The following CYP27C1 variants were observed in gnomAD, a reference collection of about 807,000 sequenced individuals.
CYP27C1 encodes the protein cytochrome P450 27C1.
Under a neutral mutation model 40.6 loss-of-function variants are expected in CYP27C1, and 29 were observed. The observed-to-expected ratio is 0.71, with a 90% CI of 0.53 to 0.97. CYP27C1 has a LOEUF of 0.97. CYP27C1 is among the 50% of genes least tolerant of loss of function. The probability of loss-of-function intolerance (pLI) is 0.00; values close to 1 mark genes in which losing one functional copy is unlikely to be tolerated. For missense variants in CYP27C1, 390 were observed against 485.8 expected, an observed-to-expected ratio of 0.80 and a Z score of 1.85; for synonymous variants, 198 against 186.8, an observed-to-expected ratio of 1.06 and a Z score of -0.49.
At position 127,200,633 on chromosome 2, in the gene CYP27C1, G is replaced by A. The variant is rs1573898025; in HGVS notation, c.883+489C>T. Among the ~76,000 whole-genome samples the A allele has an allele frequency of 1.3e-5, 2 of 152,122 alleles. No homozygotes were observed. The highest frequency in any genetic ancestry group is 1.9e-4 in the East Asian group (1 of 5,202). On this transcript the variant is annotated intron_variant, in intron 4 of 8. Coordinates refer to ENST00000664447, the MANE Select transcript of CYP27C1 (RefSeq NM_001367502.1). The surrounding 1 kb of genome is among the most constrained non-coding windows in gnomAD (Gnocchi z 4.2). ...AATGAAAAAACTGATCATGTTACCT[G>A]TAGTCACAACCCACATGCTTTTTGC...
chr2:127,206,199 T>G (rs113483266), intron 1 of CYP27C1, among the ~76,000 whole-genome samples, 109 bp from the exon 2 acceptor site: 2,135 of 152,326 alleles, frequency 0.014, 37 homozygotes, highest in African/African-American at 0.047. Context: ...CAGAGGGAAG[T>G]GCTATCTAAC....
chr2:127,187,906 T>C (rs1435940883), intron 8 of CYP27C1, among the ~76,000 whole-genome samples: 4 of 152,172 alleles, frequency 2.6e-5, no homozygotes, highest in Non-Finnish European at 5.9e-5. Flanking sequence ...TAACTTTGAT[T>C]CCATTTCTCA....
In CYP27C1 at chr2:127,187,195, G is replaced by T; in HGVS notation, c.*76C>A. The T allele has an allele frequency of 8.9e-7, 1 of 1,124,500 alleles. No individual in the cohort carries two copies. Among genetic ancestry groups the T allele is most frequent in the Non-Finnish European group, 1.3e-6 (1 of 790,390 alleles). 69.7% of individuals were successfully genotyped at this position (1,124,500 alleles called of 1,614,324 possible). A position where few individuals can be genotyped will look rare whatever the true frequency, so the allele number is the denominator to read the frequency against. On this transcript the variant is annotated 3_prime_UTR_variant, in exon 9 of 9. Transcript: ENST00000664447. ...AGCGACATCGCTTTCCTTCTCCACG[G>T]TGATCAGCGAACACAAATACCCACT...
intron 4 of CYP27C1, 144 bp from the exon 5 acceptor site, chr2:127,199,683 C>A: frequency 1.3e-6 from 1 of 741,380 alleles, no homozygotes; most frequent in Non-Finnish European, 2.1e-6. Context: ...CTAACGTCAA[C>A]CTGGGAGTTT....
At chr2:127,213,553 C>G (rs771221082) in intron 1 of CYP27C1, among the ~76,000 whole-genome samples, 1 of 152,134 alleles carries the variant, frequency 6.6e-6, no homozygotes, top group Non-Finnish European at 1.5e-5. Context: ...CTGACAAAAA[C>G]AAGCAATGGG....
In CYP27C1 at chr2:127,193,840, G is replaced by A. The variant is rs141406193; in HGVS notation, c.1242C>T (p.Gly414=). The A allele has an allele frequency of 2.0e-5, 33 of 1,614,090 alleles. No individual in the cohort carries two copies. Among genetic ancestry groups the A allele is most frequent in the Non-Finnish European group, 2.5e-5 (29 of 1,180,042 alleles). Reference sequence around the variant, plus strand: ...TAACCAGGTCTTCCTGGGTGACCCGGCCGTTCCCTGGCAGCACTGGAAACA... The same window carrying A: ...TAACCAGGTCTTCCTGGGTGACCCGACCGTTCCCTGGCAGCACTGGAAACA... The part of the protein sequence containing the change: ...LRLFPVLPGN[G]RVTQEDLVIG... The change falls in exon 7 of 9, where the codon GGC becomes GGT. Residue 414 remains glycine (G), a synonymous_variant. Transcript: ENST00000664447.
chr2:127,187,891 G>T (rs1304127401), intron 8 of CYP27C1, among the ~76,000 whole-genome samples: 1 of 152,134 alleles, frequency 6.6e-6, no homozygotes, highest in Non-Finnish European at 1.5e-5. Flanking sequence ...AATATTCTTG[G>T]TTCGTAACTT....
At chr2:127,190,808 A>C (rs1682754054) in intron 8 of CYP27C1, among the ~76,000 whole-genome samples, 1 of 150,608 alleles carries the variant, frequency 6.6e-6, no homozygotes, top group African/African-American at 2.4e-5. Flanking sequence ...TTAGCTGGGC[A>C]TGGTGGCAGG....
intron 8 of CYP27C1, among the ~76,000 whole-genome samples, chr2:127,189,173 C>T (rs889556951): frequency 1.3e-4 from 19 of 150,818 alleles, no homozygotes; most frequent in Non-Finnish European, 1.0e-4. Flanking sequence ...ACACTGCCCC[C>T]CCCCTCCGCC....
rs558202028 is a variant in CYP27C1 at position 127,209,230 on chromosome 2, T to G, written c.283-3140A>C. ...CAAATCAGAAGAATAGGGCCTGAAG[T>G]GAACCCCCAGCAAACTGCAGCAGCC... On this transcript the variant is annotated intron_variant, in intron 1 of 8. Coordinates refer to ENST00000664447, the MANE Select transcript of CYP27C1 (RefSeq NM_001367502.1). This position sits in a 1 kb window ranked among gnomAD's most constrained non-coding sequence, Gnocchi z 4.1. Among the ~76,000 whole-genome samples, 22 of 152,132 alleles carry G rather than the reference T, an allele frequency of 1.4e-4. No homozygotes were observed. In the South Asian group the frequency reaches 4.6e-3, roughly 32 times the overall value.
Position 127,196,250 on chromosome 2 carries a change from G to C in CYP27C1, c.1048-749C>G, listed in dbSNP as rs1682902480. On this transcript the variant is annotated intron_variant, in intron 5 of 8. Coordinates refer to ENST00000664447, the MANE Select transcript of CYP27C1 (RefSeq NM_001367502.1). This position sits in a 1 kb window ranked among gnomAD's most constrained non-coding sequence, Gnocchi z 4.5. ...GCTAATTTTTTGTATTTTTAGGAGA[G>C]ACAGGATTTCACTGTTAGCCAGGAT... Among the ~76,000 whole-genome samples, 1 of 70,168 alleles carries C rather than the reference G, an allele frequency of 1.4e-5. No individual in the cohort carries two copies. Among genetic ancestry groups the C allele is most frequent in the Admixed American group, 1.6e-4 (1 of 6,396 alleles). 46.0% of individuals were successfully genotyped at this position (70,168 alleles called of 152,430 possible).
chr2:127,219,974 G>C lies in CYP27C1; in HGVS notation c.282+15C>G, dbSNP rs6430931. The C allele has an allele frequency of 0.42, 63,986 of 151,922 alleles. 14,147 individuals are homozygous for C. The highest frequency in any genetic ancestry group is 0.62 in the East Asian group (3,183 of 5,098). 9.4% of individuals were successfully genotyped at this position (151,922 alleles called of 1,614,324 possible). On this transcript the variant is annotated intron_variant, in intron 1 of 8. Transcript: ENST00000664447. This position sits in a 1 kb window ranked among gnomAD's most constrained non-coding sequence, Gnocchi z 8.7. Reference sequence around the variant, plus strand: ...GCAGCCCGGGCTGGCTCCCTCCCGGGGCGGCGCGCGCTACCTGGATCTCGT... The same window carrying C: ...GCAGCCCGGGCTGGCTCCCTCCCGGCGCGGCGCGCGCTACCTGGATCTCGT...
rs917826046 is a variant in CYP27C1, at chr2:127,186,540, C to T, written c.*731G>A. 1.3e-5 allele frequency: 2 copies of T among 151,968 alleles called. No homozygotes were observed. Among genetic ancestry groups the T allele is most frequent in the African/African-American group, 4.8e-5 (2 of 41,368 alleles). 9.4% of individuals were successfully genotyped at this position (151,968 alleles called of 1,614,324 possible). ...CCTCAGTCTTCCGAGTAACTAGGAC[C>T]ATAGGTGTGCACCACCACGCCCGGC... is the stretch of plus-strand genomic sequence containing the variant. On this transcript the variant is annotated 3_prime_UTR_variant, in exon 9 of 9. Coordinates refer to ENST00000664447, the MANE Select transcript of CYP27C1 (RefSeq NM_001367502.1). This position sits in a 1 kb window ranked among gnomAD's most constrained non-coding sequence, Gnocchi z 4.5.
At position 127,193,219 on chromosome 2, in the gene CYP27C1, G is replaced by A. The variant is rs1208631392; in HGVS notation, c.1372C>T (p.Arg458Cys). The change falls in exon 8 of 9, where the codon CGC becomes TGC. Residue 458 changes from arginine to cysteine, a missense_variant. Arg to Cys is a radical substitution (Grantham distance 180). Coordinates refer to ENST00000664447, the MANE Select transcript of CYP27C1 (RefSeq NM_001367502.1). The stretch of plus-strand genomic sequence containing the variant: ...TCTAAGTCTCCTTTCCGCAGCCAGC[G>A]CTCAGGCCGGAACTCCTTGGCCCGA... The part of the protein sequence containing the change: ...FPRAKEFRPE[R>C]WLRKGDLDRV... 10 of 1,614,078 alleles carry A rather than the reference G, an allele frequency of 6.2e-6. No homozygotes were observed. Among genetic ancestry groups the A allele is most frequent in the East Asian group, 2.2e-5 (1 of 44,892 alleles).
At chr2:127,192,622 G>C (rs371426772) in intron 8 of CYP27C1, among the ~76,000 whole-genome samples, 7 of 43,260 alleles carry the variant, frequency 1.6e-4, no homozygotes, top group East Asian at 1.5e-3. Flanking sequence ...CCTTTCCCGG[G>C]GGGGGGGGCT....
In CYP27C1 at chr2:127,203,537, A is replaced by G. The variant is rs771502514; in HGVS notation, c.508T>C (p.Leu170=). The G allele has an allele frequency of 6.8e-6, 11 of 1,613,890 alleles. No individual in the cohort carries two copies. The highest frequency in any genetic ancestry group is 2.2e-5 in the East Asian group (1 of 44,894). The change falls in exon 3 of 9, where the codon TTG becomes CTG. Residue 170 remains leucine (L), a synonymous_variant. Coordinates refer to ENST00000664447, the MANE Select transcript of CYP27C1 (RefSeq NM_001367502.1). ...GEQWLKMRSV[L]RQRILKPKDV... is the part of the protein sequence containing the mutation. Reference sequence around the variant, plus strand: ...TTCGGTTTCAGAATTCTTTGTCTCAATACGCTTCTCATCTTGAGCCACTGT... The same window carrying G: ...TTCGGTTTCAGAATTCTTTGTCTCAGTACGCTTCTCATCTTGAGCCACTGT...
Position 127,192,294 on chromosome 2 carries a change from T to C in CYP27C1, c.1497+800A>G, listed in dbSNP as rs140470011. ...CATTCTCCAAATGTTCAGGCAACGATGGAGCTCCCAAACTTCGGGCCAAGG... is the reference window on the plus strand; with the variant it reads ...CATTCTCCAAATGTTCAGGCAACGACGGAGCTCCCAAACTTCGGGCCAAGG... On this transcript the variant is annotated intron_variant, in intron 8 of 8. Coordinates refer to ENST00000664447, the MANE Select transcript of CYP27C1 (RefSeq NM_001367502.1). Among the ~76,000 whole-genome samples the C allele has an allele frequency of 1.4e-3, 207 of 152,292 alleles. 1 individual carries two copies. Among genetic ancestry groups the C allele is most frequent in the African/African-American group, 4.8e-3 (200 of 41,562 alleles).
chr2:127,205,813 G>A, intron 2 of CYP27C1, 87 bp downstream of exon 2: 1 of 959,750 alleles, frequency 1.0e-6, no homozygotes, highest in Non-Finnish European at 1.2e-6. Context: ...TTTAAGAGCT[G>A]GCTTTTAGGA....
At chr2:127,192,572 G>A (rs902441337) in intron 8 of CYP27C1, among the ~76,000 whole-genome samples, 1 of 152,058 alleles carries the variant, frequency 6.6e-6, no homozygotes, top group East Asian at 1.9e-4. Flanking sequence ...TAAATGGTTG[G>A]GTCAGTTAAA....
Sources: gnomAD v4.1 joint callset for allele counts (sites outside exome capture counted in the v4.1 genomes callset) on GRCh38, gnomAD v4.1.1 for gene constraint, Gnocchi (gnomAD v3.1) non-coding constraint, MANE v1.5 for transcripts, NCBI Gene and HGNC (gene_info 2026-07-23, HGNC 2026-07-21) for gene names.